The following LRP1B variants were observed in gnomAD, a reference collection of about 807,000 sequenced individuals.
The protein encoded by LRP1B is low-density lipoprotein receptor-related protein 1B.
In LRP1B, 217 loss-of-function variants were observed where a neutral mutation model predicts 556.6. The observed-to-expected ratio is 0.39, with a 90% confidence interval of 0.35 to 0.44. The LOEUF is 0.44. LRP1B is among the 20% of genes least tolerant of loss of function. LRP1B has a pLI of 1.00. For synonymous variants in LRP1B, 2,047 were observed against 1,865.8 expected (o/e 1.10, Z -2.50); for missense variants, 5,053 against 5,620.8 (o/e 0.90, Z 3.23).
intron 23 of LRP1B, among the ~76,000 whole-genome samples, chr2:140,894,339 G>A (rs549683226): frequency 6.6e-6 from 1 of 152,268 alleles, no homozygotes; most frequent in Admixed American, 6.5e-5. Flanking sequence ...CAAATTTGCT[G>A]GAGAGAAGAT....
intron 41 of LRP1B, among the ~76,000 whole-genome samples, chr2:140,656,271 G>A (rs1014823501): frequency 6.6e-6 from 1 of 152,052 alleles, no homozygotes; most frequent in African/African-American, 2.4e-5. Context: ...ATAGAAACTG[G>A]ACATTTTTTG....
chr2:140,875,591 T>A (rs957674451), intron 25 of LRP1B, among the ~76,000 whole-genome samples: 2 of 152,230 alleles, frequency 1.3e-5, no homozygotes, highest in Non-Finnish European at 2.9e-5. Context: ...CCTGCAATTA[T>A]CAAGTGTTTT....
At chr2:140,738,786 T>A (rs1392320585) in intron 35 of LRP1B, among the ~76,000 whole-genome samples, 1 of 152,204 alleles carries the variant, frequency 6.6e-6, no homozygotes, top group East Asian at 1.9e-4. Context: ...CATACATGTC[T>A]AAGATATGAA....
intron 10 of LRP1B, among the ~76,000 whole-genome samples, chr2:141,049,491 A>G (rs1334294603): frequency 1.3e-5 from 2 of 152,128 alleles, no homozygotes; most frequent in African/African-American, 2.4e-5. Flanking sequence ...ATGACAGATC[A>G]TTAGATAACT....
chr2:140,695,921 T>C lies in LRP1B; in HGVS notation c.6799+4329A>G, dbSNP rs561881003. 4.6e-5 allele frequency among the ~76,000 whole-genome samples: 7 copies of C among 152,338 alleles called. No individual in the cohort carries two copies. In the East Asian group the frequency reaches 1.4e-3, roughly 29 times the overall value. On this transcript the variant is annotated intron_variant, in intron 41 of 90. Coordinates refer to ENST00000389484, the MANE Select transcript of LRP1B (RefSeq NM_018557.3). ...CTGAGGCCAAAATGTTCATTCTATG[T>C]GAATTGGGAAGTTAAAGAAGAAAGC...
chr2:140,858,796 C>T (rs1692698025), intron 27 of LRP1B, among the ~76,000 whole-genome samples: 1 of 152,002 alleles, frequency 6.6e-6, no homozygotes, highest in African/African-American at 2.4e-5. Flanking sequence ...CATGTGTTCT[C>T]AATGTTCAGC....
intron 18 of LRP1B, among the ~76,000 whole-genome samples, chr2:140,966,787 T>G (rs2105323062): frequency 6.6e-6 from 1 of 152,304 alleles, no homozygotes; most frequent in African/African-American, 2.4e-5. Context: ...CAGCACCATT[T>G]ATTAAATATG....
At chr2:141,731,601 CT>C (rs1191890551) in intron 2 of LRP1B, among the ~76,000 whole-genome samples, 1 of 152,174 alleles carries the variant, frequency 6.6e-6, no homozygotes, top group Non-Finnish European at 1.5e-5. Context: ...CCCATTACTT[CT>C]TTGTTCGGAA....
chr2:140,436,018 C>A (rs1686164196), intron 66 of LRP1B, among the ~76,000 whole-genome samples: 1 of 151,966 alleles, frequency 6.6e-6, no homozygotes, highest in African/African-American at 2.4e-5. Flanking sequence ...AATATACACA[C>A]ATAAATACAT....
chr2:141,012,678 A>G (rs1474063970), intron 14 of LRP1B, among the ~76,000 whole-genome samples: 1 of 151,964 alleles, frequency 6.6e-6, no homozygotes, highest in East Asian at 1.9e-4. Context: ...ATATAGTGGG[A>G]AAAAACTGAA....
chr2:140,816,587 C>T (rs1320972270), intron 31 of LRP1B, among the ~76,000 whole-genome samples: 5 of 151,984 alleles, frequency 3.3e-5, no homozygotes, highest in Non-Finnish European at 7.4e-5. Flanking sequence ...TTTAAAGTTT[C>T]TATATTAATC....
At chr2:141,317,072 G>A (rs1041892222) in intron 3 of LRP1B, among the ~76,000 whole-genome samples, 3 of 152,234 alleles carry the variant, frequency 2.0e-5, no homozygotes, top group Non-Finnish European at 4.4e-5. Context: ...GCAGGACATA[G>A]TAAGTATACA....
chr2:141,593,880 GC>G (rs1182295362), intron 2 of LRP1B, among the ~76,000 whole-genome samples: 1 of 152,082 alleles, frequency 6.6e-6, no homozygotes, highest in African/African-American at 2.4e-5. Flanking sequence ...TACCTCCAAA[GC>G]CTGTCATCAG....
intron 41 of LRP1B, among the ~76,000 whole-genome samples, chr2:140,646,406 C>G (rs932651168): frequency 6.6e-6 from 1 of 152,264 alleles, no homozygotes; most frequent in Admixed American, 6.5e-5. Flanking sequence ...TCCCATCCTC[C>G]TAATTTCATG....
intron 20 of LRP1B, among the ~76,000 whole-genome samples, chr2:140,949,932 C>A (rs1213802947): frequency 1.4e-5 from 1 of 70,798 alleles, no homozygotes; most frequent in Non-Finnish European, 2.4e-5. Context: ...GAGTGAGACT[C>A]CGTCTCAAAA....
At chr2:141,200,862 T>C (rs559710295) in intron 6 of LRP1B, among the ~76,000 whole-genome samples, 5 of 152,290 alleles carry the variant, frequency 3.3e-5, no homozygotes, top group Admixed American at 1.3e-4. Flanking sequence ...CGTGAATATT[T>C]AGAAATACAT....
chr2:141,237,337 T>C (rs991497396), intron 5 of LRP1B, among the ~76,000 whole-genome samples: 6 of 149,474 alleles, frequency 4.0e-5, no homozygotes, highest in Non-Finnish European at 7.4e-5. Flanking sequence ...TATCTTGTTT[T>C]GTTTTGTGTT....
At chr2:141,865,399 C>T (rs1056982975) in intron 1 of LRP1B, among the ~76,000 whole-genome samples, 5 of 151,052 alleles carry the variant, frequency 3.3e-5, no homozygotes, top group South Asian at 2.1e-4. Flanking sequence ...GAGACCATCC[C>T]GGCTAAAACG....
chr2:140,887,418 A>G (rs374189063), intron 23 of LRP1B, among the ~76,000 whole-genome samples: 2 of 152,146 alleles, frequency 1.3e-5, no homozygotes, highest in Non-Finnish European at 1.5e-5. Context: ...ATTGCATGTG[A>G]AAATCTAGTC....
Sources: allele counts gnomAD v4.1 joint callset (sites outside exome capture counted in the v4.1 genomes callset), GRCh38; gene constraint gnomAD v4.1.1; transcripts MANE v1.5; gene names NCBI Gene and HGNC (gene_info 2026-07-23, HGNC 2026-07-21).